The following RAD51B variants were observed in gnomAD, a reference collection of about 807,000 sequenced individuals.
RAD51B encodes RAD51 paralog B.
Under a neutral mutation model 42.2 loss-of-function variants are expected in RAD51B, and 38 were observed. The ratio of observed to expected loss-of-function variants is 0.90; its 90% confidence interval spans 0.70 to 1.18. The LOEUF (loss-of-function observed/expected upper bound fraction) is 1.18. Among genes scored for constraint, RAD51B ranks in the 50% most tolerant of loss-of-function variants. The pLI, the probability that RAD51B is intolerant of heterozygous loss-of-function variation, is 0.00. For missense variants in RAD51B, 373 were observed against 400.7 expected (o/e 0.93, Z 0.59); for synonymous variants, 154 against 145.2 (o/e 1.06, Z -0.43).
intron 7 of RAD51B, among the ~76,000 whole-genome samples, chr14:68,045,011 G>A (rs909334277): frequency 2.0e-5 from 3 of 151,896 alleles, no homozygotes; most frequent in South Asian, 2.1e-4. Context: ...AGGCCAAGGC[G>A]GGTGGATCAC....
intron 8 of RAD51B, among the ~76,000 whole-genome samples, chr14:68,304,910 C>A (rs922341238): frequency 7.9e-5 from 12 of 152,168 alleles, no homozygotes; most frequent in African/African-American, 2.9e-4. Flanking sequence ...CATTTTGTCA[C>A]ATTTCTTTTG....
chr14:68,043,745 G>A (rs926697637), intron 7 of RAD51B, among the ~76,000 whole-genome samples: 2 of 152,212 alleles, frequency 1.3e-5, no homozygotes, highest in South Asian at 2.1e-4. Context: ...TAAGTAGGGA[G>A]AGTAACCCTC....
chr14:68,583,774 C>T (rs1890322789), intron 10 of RAD51B, among the ~76,000 whole-genome samples: 1 of 152,220 alleles, frequency 6.6e-6, no homozygotes, highest in East Asian at 1.9e-4. Flanking sequence ...CACAACTTGG[C>T]CTTGGGCTTA....
At chr14:67,973,568 A>G (rs937348730) in intron 7 of RAD51B, among the ~76,000 whole-genome samples, 1 of 152,132 alleles carries the variant, frequency 6.6e-6, no homozygotes, top group African/African-American at 2.4e-5. Flanking sequence ...AAGAAAACCC[A>G]AATCCAAACC....
intron 8 of RAD51B, among the ~76,000 whole-genome samples, chr14:68,314,076 C>T (rs953982691): frequency 6.6e-6 from 1 of 152,146 alleles, no homozygotes; most frequent in African/African-American, 2.4e-5. Context: ...AAAATTCCTC[C>T]TCCTACTTCC....
intron 9 of RAD51B, among the ~76,000 whole-genome samples, chr14:68,426,932 C>T (rs1437063893): frequency 6.6e-6 from 1 of 152,160 alleles, no homozygotes; most frequent in Non-Finnish European, 1.5e-5. Context: ...TCCAGGGCCA[C>T]TCAGGACGCT....
intron 8 of RAD51B, among the ~76,000 whole-genome samples, chr14:68,407,216 T>C (rs1445729795): frequency 6.6e-6 from 1 of 152,114 alleles, no homozygotes; most frequent in Non-Finnish European, 1.5e-5. Flanking sequence ...TACATCAATA[T>C]AGATATGATA....
At chr14:68,184,106 A>G (rs1375489887) in intron 7 of RAD51B, among the ~76,000 whole-genome samples, 1 of 151,666 alleles carries the variant, frequency 6.6e-6, no homozygotes, top group Admixed American at 6.6e-5. Context: ...AAAAAAAAAA[A>G]AAAAAATTAC....
intron 9 of RAD51B, chr14:68,421,898 G>A: frequency 1.3e-6 from 2 of 1,586,280 alleles, no homozygotes; most frequent in Non-Finnish European, 8.6e-7. Flanking sequence ...CATTTGCCAT[G>A]GACAAGATGC....
In RAD51B at chr14:67,883,706, A is replaced by G. The variant is rs556495354; in HGVS notation, c.453-2163A>G. On this transcript the variant is annotated intron_variant, in intron 5 of 10. Transcript: ENST00000471583. ...TTTTCCTCTACAGCCTTATTACCTC[A>G]TATATAATATATATTTATTTGTTTG... 8.1e-4 allele frequency among the ~76,000 whole-genome samples: 123 copies of G among 152,178 alleles called. 1 individual carries two copies. The highest frequency in any genetic ancestry group is 2.9e-3 in the African/African-American group (121 of 41,512).
intron 11 of RAD51B, among the ~76,000 whole-genome samples, chr14:68,655,465 T>C (rs961982629): frequency 1.7e-4 from 26 of 152,096 alleles, no homozygotes; most frequent in Admixed American, 7.2e-4. Flanking sequence ...TCCATTTTCA[T>C]CATCTGATAG....
chr14:68,275,934 T>C (rs1218407689), intron 7 of RAD51B, among the ~76,000 whole-genome samples: 1 of 151,902 alleles, frequency 6.6e-6, no homozygotes, highest in Non-Finnish European at 1.5e-5. Flanking sequence ...TAGGAGGAGA[T>C]TATGTAGACA....
chr14:68,600,083 C>T (rs537081378), downstream of RAD51B, among the ~76,000 whole-genome samples: 10 of 152,320 alleles, frequency 6.6e-5, no homozygotes, highest in East Asian at 1.2e-3. Flanking sequence ...CCCTGTCCCA[C>T]GGGATGCAGC....
chr14:68,150,383 A>C (rs2078352101), intron 7 of RAD51B, among the ~76,000 whole-genome samples: 1 of 152,224 alleles, frequency 6.6e-6, no homozygotes. Flanking sequence ...GATTGCACCA[A>C]ATTTATGGAT....
chr14:68,043,963 C>G (rs1004469390), intron 7 of RAD51B, among the ~76,000 whole-genome samples: 1 of 152,152 alleles, frequency 6.6e-6, no homozygotes, highest in African/African-American at 2.4e-5. Flanking sequence ...AGTACCAAAC[C>G]ATAAACTTTT....
chr14:68,151,304 A>G (rs529220369), intron 7 of RAD51B, among the ~76,000 whole-genome samples: 50 of 151,806 alleles, frequency 3.3e-4, no homozygotes, highest in African/African-American at 9.9e-4. Context: ...CTGCATATAT[A>G]TATAATTTTT....
chr14:68,504,791 C>A (rs1227905970), intron 10 of RAD51B, among the ~76,000 whole-genome samples: 2 of 147,546 alleles, frequency 1.4e-5, no homozygotes, highest in African/African-American at 5.0e-5. Context: ...ACTATTTAAG[C>A]ACAAATTTCT....
chr14:68,408,863 C>T (rs17105557), intron 8 of RAD51B, among the ~76,000 whole-genome samples: 2,139 of 152,264 alleles, frequency 0.014, 49 homozygotes, highest in African/African-American at 0.047. Flanking sequence ...TGAACAGAGA[C>T]TGCCCCCTTG....
chr14:68,393,384 A>T (rs2083816405), intron 8 of RAD51B, among the ~76,000 whole-genome samples: 1 of 152,302 alleles, frequency 6.6e-6, no homozygotes, highest in Admixed American at 6.5e-5. Context: ...TTCAATTGGG[A>T]TGTCAAAGTG....
Sources: gnomAD v4.1 joint callset for allele counts (sites outside exome capture counted in the v4.1 genomes callset) on GRCh38, gnomAD v4.1.1 for gene constraint, MANE v1.5 for transcripts, NCBI Gene and HGNC (gene_info 2026-07-23, HGNC 2026-07-21) for gene names.